FSTL5: variants seen among roughly 807,000 people sequenced by gnomAD.
The protein encoded by FSTL5 is follistatin like 5.
A neutral mutation model predicts 89.1 loss-of-function variants in FSTL5; 62 were observed. The observed-to-expected ratio is 0.70, with a 90% CI of 0.57 to 0.86. FSTL5 has a LOEUF of 0.86. FSTL5 is among the 40% of genes least tolerant of loss of function. The pLI, the probability that FSTL5 is intolerant of heterozygous loss-of-function variation, is 0.00. For missense variants in FSTL5, 1,057 were observed against 1,001.6 expected, an observed-to-expected ratio of 1.06 and a Z score of -0.75; for synonymous variants, 383 against 346.2, an observed-to-expected ratio of 1.11 and a Z score of -1.18.
At chr4:161,729,092 T>C (rs1739515364) in intron 6 of FSTL5, among the ~76,000 whole-genome samples, 1 of 152,166 alleles carries the variant, frequency 6.6e-6, no homozygotes, top group African/African-American at 2.4e-5. Flanking sequence ...TCTTACCTCT[T>C]GGCTCTCAAC....
chr4:161,482,892 GTTCTC>G lies in FSTL5; in HGVS notation c.1459-1728_1459-1724del, dbSNP rs146513389. ...TGGTTTAGGAACATGAAACAATAGTGTTCTCTTCTAAACAGCACAGATTGTTCTAA... is the reference window on the plus strand; with the variant it reads ...TGGTTTAGGAACATGAAACAATAGTGTTCTAAACAGCACAGATTGTTCTAA... On this transcript the variant is annotated intron_variant, in intron 12 of 15. Coordinates refer to ENST00000306100, the MANE Select transcript of FSTL5 (RefSeq NM_020116.5). Among the ~76,000 whole-genome samples, 519 of 152,294 alleles carry G rather than the reference GTTCTC, an allele frequency of 3.4e-3. 3 individuals carry two copies. Among genetic ancestry groups the G allele is most frequent in the African/African-American group, 0.011 (471 of 41,554 alleles).
intron 4 of FSTL5, among the ~76,000 whole-genome samples, chr4:161,808,051 T>C (rs72979165): frequency 0.069 from 10,490 of 152,128 alleles, 608 homozygotes; most frequent in African/African-American, 0.16. Context: ...TGTAATATAC[T>C]GAGACCAGGT....
chr4:161,766,402 C>T (rs1740999555), intron 5 of FSTL5, among the ~76,000 whole-genome samples: 1 of 152,122 alleles, frequency 6.6e-6, no homozygotes, highest in Non-Finnish European at 1.5e-5. Flanking sequence ...TGCAGGACCA[C>T]GATGCCAGAA....
At chr4:161,626,041 G>GA (rs1156332140) in intron 7 of FSTL5, among the ~76,000 whole-genome samples, 2 of 152,030 alleles carry the variant, frequency 1.3e-5, no homozygotes, top group Non-Finnish European at 2.9e-5. Context: ...GGAGTTTAAG[G>GA]AAAAAAGCCA....
At chr4:161,862,455 C>T (rs71610982) in intron 4 of FSTL5, among the ~76,000 whole-genome samples, 3,238 of 152,230 alleles carry the variant, frequency 0.021, 42 homozygotes, top group Non-Finnish European at 0.034. Context: ...AGAATGAAGG[C>T]CGTGTGCGGT....
At chr4:161,527,700 C>A (rs2126525507) in intron 10 of FSTL5, among the ~76,000 whole-genome samples, 1 of 151,706 alleles carries the variant, frequency 6.6e-6, no homozygotes, top group East Asian at 1.9e-4. Flanking sequence ...GTTGGTGGGA[C>A]TGTAAACTAG....
chr4:162,130,345 CAT>C lies in FSTL5; in HGVS notation c.-16-18935_-16-18934del, dbSNP rs1218587719. 2.0e-5 allele frequency among the ~76,000 whole-genome samples: 3 copies of C among 152,150 alleles called. No individual in the cohort carries two copies. The East Asian group carries it at 5.8e-4, about 29-fold the overall frequency. ...AAGAGGTTCATGAGTTTGAAAATTGCATATAGTCTTTTAAAACAAGCTCAATC... is the reference window on the plus strand; with the variant it reads ...AAGAGGTTCATGAGTTTGAAAATTGCATAGTCTTTTAAAACAAGCTCAATC... On this transcript the variant is annotated intron_variant, in intron 1 of 15. Transcript: ENST00000306100.
intron 4 of FSTL5, among the ~76,000 whole-genome samples, chr4:161,784,910 A>AAAAAAAG (rs61321158): frequency 7.8e-6 from 1 of 127,668 alleles, no homozygotes; most frequent in Non-Finnish European, 1.7e-5. Flanking sequence ...ACAAAAACAA[A>AAAAAAAG]CAAACAAAAA....
intron 2 of FSTL5, among the ~76,000 whole-genome samples, chr4:162,075,401 G>C (rs1001907873): frequency 1.3e-5 from 2 of 151,882 alleles, no homozygotes; most frequent in African/African-American, 4.8e-5. Flanking sequence ...GTAACAATGA[G>C]TGTTAGAGAT....
chr4:161,625,548 T>C (rs1735287922), intron 7 of FSTL5, among the ~76,000 whole-genome samples: 1 of 152,132 alleles, frequency 6.6e-6, no homozygotes, highest in Non-Finnish European at 1.5e-5. Context: ...ACTTCATCTC[T>C]CTCACTATCC....
At chr4:161,406,319 C>T (rs1289004863) in intron 15 of FSTL5, among the ~76,000 whole-genome samples, 2 of 152,084 alleles carry the variant, frequency 1.3e-5, no homozygotes, top group East Asian at 3.9e-4. Context: ...ATTTGTGAAT[C>T]GTCCAGCTTT....
chr4:161,849,336 C>T (rs961561254), intron 4 of FSTL5, among the ~76,000 whole-genome samples: 1 of 151,986 alleles, frequency 6.6e-6, no homozygotes, highest in African/African-American at 2.4e-5. Context: ...TATTTGAGTC[C>T]TTATCAATAC....
chr4:161,963,526 C>T (rs1735239350), intron 3 of FSTL5, among the ~76,000 whole-genome samples: 1 of 151,696 alleles, frequency 6.6e-6, no homozygotes, highest in South Asian at 2.1e-4. Flanking sequence ...GACTCAAGAC[C>T]GTGACCGAAC....
At chr4:161,406,548 TTCAAG>T (rs920672312) in intron 15 of FSTL5, among the ~76,000 whole-genome samples, 4 of 152,180 alleles carry the variant, frequency 2.6e-5, no homozygotes, top group Admixed American at 1.3e-4. Flanking sequence ...TATGGTGTCA[TTCAAG>T]TCTCCTATTT....
intron 2 of FSTL5, among the ~76,000 whole-genome samples, chr4:162,089,190 G>A (rs1333758586): frequency 2.6e-5 from 4 of 151,962 alleles, no homozygotes; most frequent in Non-Finnish European, 5.9e-5. Flanking sequence ...GCACCTTAAC[G>A]GTGTACTTCC....
Position 161,716,897 on chromosome 4 carries a change from CAGAGAGGAT to C in FSTL5, c.727+42505_727+42513del, listed in dbSNP as rs544313015. ...AACGTTAATTTTATCCAGGTCAGGGCAGAGAGGATAGAGAGAAGTGGTTAGGTAAAAATA... is the reference window on the plus strand; with the variant it reads ...AACGTTAATTTTATCCAGGTCAGGGCAGAGAGAAGTGGTTAGGTAAAAATA... On this transcript the variant is annotated intron_variant, in intron 6 of 15. Transcript: ENST00000306100. Among the ~76,000 whole-genome samples the C allele has an allele frequency of 2.0e-3, 301 of 152,076 alleles. 2 individuals carry two copies. The highest frequency in any genetic ancestry group is 7.1e-3 in the African/African-American group (293 of 41,448).
At chr4:161,507,861 G>A (rs1298099512) in intron 11 of FSTL5, among the ~76,000 whole-genome samples, 1 of 151,758 alleles carries the variant, frequency 6.6e-6, no homozygotes, top group African/African-American at 2.4e-5. Flanking sequence ...TGAGTTCAAT[G>A]GCATTATGAG....
intron 3 of FSTL5, among the ~76,000 whole-genome samples, chr4:162,009,191 G>A (rs897667521): frequency 6.6e-6 from 1 of 152,146 alleles, no homozygotes; most frequent in Middle Eastern, 3.4e-3. Context: ...ATGCAGCCTT[G>A]TTAATCTGAC....
At chr4:161,822,193 A>T (rs559341377) in intron 4 of FSTL5, among the ~76,000 whole-genome samples, 1 of 152,074 alleles carries the variant, frequency 6.6e-6, no homozygotes, top group East Asian at 1.9e-4. Flanking sequence ...GATGTTGAGC[A>T]TTTTTTCATG....
Sources: gnomAD v4.1 joint callset for allele counts (sites outside exome capture counted in the v4.1 genomes callset) on GRCh38, gnomAD v4.1.1 for gene constraint, MANE v1.5 for transcripts, NCBI Gene and HGNC (gene_info 2026-07-23, HGNC 2026-07-21) for gene names.